Variants in TMEM132D observed in about 807,000 individuals in gnomAD.
The protein encoded by TMEM132D is transmembrane protein 132D, also known as mature OL transmembrane protein.
A neutral mutation model predicts 62.3 loss-of-function variants in TMEM132D; 21 were observed. The ratio of observed to expected loss-of-function variants is 0.34; its 90% confidence interval spans 0.24 to 0.49. The LOEUF (loss-of-function observed/expected upper bound fraction) is 0.49, where lower values mean the gene tolerates loss of function less well. Ranked by LOEUF, TMEM132D falls within the 20% of genes least tolerant of loss-of-function variation. The pLI, the probability that TMEM132D is intolerant of heterozygous loss-of-function variation, is 0.99. For missense variants in TMEM132D, 1,346 were observed against 1,402.8 expected (o/e 0.96, Z 0.65); for synonymous variants, 621 against 575.6 (o/e 1.08, Z -1.13).
intron 3 of TMEM132D, among the ~76,000 whole-genome samples, chr12:129,389,517 A>G (rs1376555928): frequency 2.6e-5 from 4 of 152,110 alleles, no homozygotes; most frequent in African/African-American, 9.7e-5. Flanking sequence ...CAACACTAAC[A>G]CTAACTCCAA....
At chr12:129,199,371 G>A in intron 5 of TMEM132D, among the ~76,000 whole-genome samples, 1 of 152,062 alleles carries the variant, frequency 6.6e-6, no homozygotes, top group East Asian at 1.9e-4. Flanking sequence ...CAAATTGTTG[G>A]GATTACAGGT....
intron 3 of TMEM132D, among the ~76,000 whole-genome samples, chr12:129,424,609 G>A (rs1006915834): frequency 1.3e-5 from 2 of 148,714 alleles, no homozygotes; most frequent in African/African-American, 2.5e-5. Flanking sequence ...TCGGGAGGCT[G>A]AGGCAGGAGA....
At chr12:129,682,494 T>G (rs997092922) in intron 2 of TMEM132D, among the ~76,000 whole-genome samples, 4 of 152,174 alleles carry the variant, frequency 2.6e-5, no homozygotes. Context: ...CCTTTTGTTT[T>G]GAAAATGCCA....
chr12:129,305,606 C>A (rs774793289), intron 4 of TMEM132D, among the ~76,000 whole-genome samples: 1 of 152,280 alleles, frequency 6.6e-6, no homozygotes, highest in Middle Eastern at 3.4e-3. Flanking sequence ...ACAAATAGCT[C>A]AAGCAATGTA....
intron 2 of TMEM132D, among the ~76,000 whole-genome samples, chr12:129,549,374 T>C (rs2137104406): frequency 6.6e-6 from 1 of 152,114 alleles, no homozygotes; most frequent in Non-Finnish European, 1.5e-5. Flanking sequence ...AATTTCCACG[T>C]GTTGTGGGAA....
At chr12:129,338,445 T>C (rs1869362224) in intron 3 of TMEM132D, among the ~76,000 whole-genome samples, 2 of 152,162 alleles carry the variant, frequency 1.3e-5, no homozygotes, top group Non-Finnish European at 2.9e-5. Flanking sequence ...CCTATAAGCA[T>C]ACATCTAGAA....
chr12:129,378,721 C>T (rs1434135293), intron 3 of TMEM132D, among the ~76,000 whole-genome samples: 1 of 152,128 alleles, frequency 6.6e-6, no homozygotes, highest in East Asian at 1.9e-4. Flanking sequence ...TATAGAAGCT[C>T]GGTGAACTGT....
chr12:129,686,070 G>C (rs1428282258), intron 2 of TMEM132D, among the ~76,000 whole-genome samples: 1 of 152,144 alleles, frequency 6.6e-6, no homozygotes, highest in Non-Finnish European at 1.5e-5. Context: ...TTTCTCAGAT[G>C]AAACTTTGAA....
chr12:129,237,321 G>T (rs1347745999), intron 4 of TMEM132D, among the ~76,000 whole-genome samples: 1 of 151,844 alleles, frequency 6.6e-6, no homozygotes, highest in South Asian at 2.1e-4. Flanking sequence ...AAGTGTGAAG[G>T]ATCACAGGAC....
intron 2 of TMEM132D, among the ~76,000 whole-genome samples, chr12:129,671,167 A>G (rs1382873502): frequency 6.6e-6 from 1 of 152,232 alleles, no homozygotes; most frequent in Admixed American, 6.5e-5. Flanking sequence ...GGAAAATGGA[A>G]AAGTAAAAAA....
chr12:129,509,342 A>G (rs73433686), intron 3 of TMEM132D, among the ~76,000 whole-genome samples: 2,220 of 152,262 alleles, frequency 0.015, 58 homozygotes, highest in African/African-American at 0.05. Flanking sequence ...TTAGTTTTTA[A>G]TTTTTGTGGG....
At chr12:129,543,635 G>C (rs1876653628) in intron 2 of TMEM132D, among the ~76,000 whole-genome samples, 1 of 152,112 alleles carries the variant, frequency 6.6e-6, no homozygotes, top group Non-Finnish European at 1.5e-5. Context: ...AAACTGTATT[G>C]AAAGTGAAAA....
chr12:129,469,433 G>T (rs1436507440), intron 3 of TMEM132D, among the ~76,000 whole-genome samples: 1 of 152,094 alleles, frequency 6.6e-6, no homozygotes, highest in Admixed American at 6.5e-5. Flanking sequence ...CTGGAGGGGG[G>T]GCCAGCCATC....
intron 2 of TMEM132D, among the ~76,000 whole-genome samples, chr12:129,662,326 T>C (rs1339431133): frequency 6.6e-6 from 1 of 152,188 alleles, no homozygotes; most frequent in Non-Finnish European, 1.5e-5. Flanking sequence ...CCAGGAACCT[T>C]CTATTACCTG....
At chr12:129,701,214 C>T (rs1393596193) in intron 1 of TMEM132D, among the ~76,000 whole-genome samples, 3 of 152,184 alleles carry the variant, frequency 2.0e-5, no homozygotes, top group East Asian at 3.9e-4. Context: ...CTCATATGCA[C>T]GTTCTGCATA....
At position 129,419,120 on chromosome 12, in the gene TMEM132D, G is replaced by T. The variant is rs547806491; in HGVS notation, c.1116-81303C>A. On this transcript the variant is annotated intron_variant, in intron 3 of 8. Coordinates refer to ENST00000422113, the MANE Select transcript of TMEM132D (RefSeq NM_133448.3). ...TTTCCCACCCAGTTTGTGGGACTTC[G>T]TTATGTAAAAAATGGGTGGAGAAAA... 2.0e-5 allele frequency among the ~76,000 whole-genome samples: 3 copies of T among 152,134 alleles called. No homozygotes were observed. In the South Asian group the frequency reaches 6.2e-4, roughly 31 times the overall value.
At chr12:129,900,810 G>A (rs1422327220) in intron 1 of TMEM132D, among the ~76,000 whole-genome samples, 1 of 152,116 alleles carries the variant, frequency 6.6e-6, no homozygotes, top group African/African-American at 2.4e-5. Context: ...CCATTCCCCA[G>A]AAAAATTAGG....
intron 3 of TMEM132D, among the ~76,000 whole-genome samples, chr12:129,508,232 A>G (rs1284172875): frequency 1.3e-5 from 2 of 152,216 alleles, no homozygotes; most frequent in African/African-American, 4.8e-5. Context: ...TCTACAAGTT[A>G]TACAATCCAT....
At chr12:129,503,756 G>A (rs1390054453) in intron 3 of TMEM132D, among the ~76,000 whole-genome samples, 1 of 152,098 alleles carries the variant, frequency 6.6e-6, no homozygotes, top group Admixed American at 6.6e-5. Context: ...CAAAAAGATT[G>A]ACCCCAAGCT....
Sources: gnomAD v4.1 joint callset for allele counts (sites outside exome capture counted in the v4.1 genomes callset) on GRCh38, gnomAD v4.1.1 for gene constraint, MANE v1.5 for transcripts, NCBI Gene and HGNC (gene_info 2026-07-23, HGNC 2026-07-21) for gene names.